CSNK1G2: variants seen among roughly 807,000 people sequenced by gnomAD.
CSNK1G2 encodes the protein casein kinase 1 gamma 2, also known as casein kinase I isoform gamma-2.
Under a neutral mutation model 48.0 loss-of-function variants are expected in CSNK1G2, and 11 were observed. The observed-to-expected ratio is 0.23, with a 90% CI of 0.14 to 0.38. CSNK1G2 has a LOEUF of 0.38. CSNK1G2 is among the 10% of genes least tolerant of loss of function. The pLI is 1.00. For synonymous variants in CSNK1G2, 337 were observed against 254.1 expected (o/e 1.33, Z -3.10); for missense variants, 446 against 595.5 (o/e 0.75, Z 2.61).
At chr19:1,953,596 C>T (rs900390992) in intron 1 of CSNK1G2, 13 of 452,468 alleles carry the variant, frequency 2.9e-5, no homozygotes, top group Admixed American at 1.2e-4. Flanking sequence ...CTTATGTGTC[C>T]GGTGCTGGGT....
rs377730336 is a variant in CSNK1G2 at position 1,957,546 on chromosome 19, T to C, written c.-265-11962T>C. 6.6e-6 allele frequency among the ~76,000 whole-genome samples: 1 copy of C among 152,182 alleles called. No homozygotes were observed. The highest frequency in any genetic ancestry group is 1.5e-5 in the Non-Finnish European group (1 of 68,002). The stretch of plus-strand genomic sequence containing the variant: ...CTCTCTCTCCACTTCATGTTTGTCC[T>C]CACTGAGGGAGCCGAGCAGATGCCT... On this transcript the variant is annotated intron_variant, in intron 1 of 11. Coordinates refer to ENST00000255641, the MANE Select transcript of CSNK1G2 (RefSeq NM_001319.7). The surrounding 1 kb of genome is among the most constrained non-coding windows in gnomAD (Gnocchi z 5.4).
At chr19:1,976,695 C>A (rs2015767474) in intron 2 of CSNK1G2, among the ~76,000 whole-genome samples, 1 of 152,036 alleles carries the variant, frequency 6.6e-6, no homozygotes, top group African/African-American at 2.4e-5. Flanking sequence ...CCCTGCCAGT[C>A]CAGCTGCAGC....
At chr19:1,967,716 G>T (rs1163824271) in intron 1 of CSNK1G2, among the ~76,000 whole-genome samples, 1 of 99,728 alleles carries the variant, frequency 1.0e-5, no homozygotes, top group Non-Finnish European at 1.9e-5. Context: ...CTTCAGTTCT[G>T]CAGGTGGGGC....
At chr19:1,946,261 T>C (rs1306352082) in intron 1 of CSNK1G2, among the ~76,000 whole-genome samples, 1 of 127,556 alleles carries the variant, frequency 7.8e-6, no homozygotes, top group Non-Finnish European at 1.8e-5. Context: ...CATCACTATT[T>C]ATTCGTTTAT....
chr19:1,975,386 G>A (rs2015718010), intron 2 of CSNK1G2: 1 of 985,500 alleles, frequency 1.0e-6, no homozygotes, highest in Non-Finnish European at 1.2e-6. Flanking sequence ...TGCCGGAGAA[G>A]GGGACGGCTG....
At chr19:1,974,426 GGCCCCA>G (rs998286924) in intron 2 of CSNK1G2, among the ~76,000 whole-genome samples, 6 of 152,316 alleles carry the variant, frequency 3.9e-5, no homozygotes, top group Admixed American at 6.5e-5. Flanking sequence ...CCTCTCTCTA[GGCCCCA>G]GCCCCAGCCC....
chr19:1,941,610 G>A (rs1303113625), intron 1 of CSNK1G2, among the ~76,000 whole-genome samples, 192 bp downstream of exon 1: 9 of 133,692 alleles, frequency 6.7e-5, no homozygotes, highest in African/African-American at 2.7e-4. Context: ...CCACACTCAG[G>A]GCCCCACCGC....
chr19:1,977,569 T>G (rs1445953566), intron 2 of CSNK1G2, among the ~76,000 whole-genome samples: 1 of 151,994 alleles, frequency 6.6e-6, no homozygotes, highest in Non-Finnish European at 1.5e-5. Flanking sequence ...CCCGGGCAAC[T>G]TGGAGAAACC....
chr19:1,951,921 C>A (rs1037579989), intron 1 of CSNK1G2, among the ~76,000 whole-genome samples: 2 of 152,284 alleles, frequency 1.3e-5, no homozygotes, highest in Admixed American at 6.5e-5. Context: ...ACCTCGTGAT[C>A]CACCCGCCTC....
intron 1 of CSNK1G2, among the ~76,000 whole-genome samples, chr19:1,944,364 C>T (rs973058038): frequency 2.0e-5 from 3 of 152,066 alleles, no homozygotes; most frequent in Admixed American, 6.5e-5. Context: ...CTGGAGTTCT[C>T]GTGGGGCCCG....
chr19:1,971,296 C>T (rs1185586062), intron 2 of CSNK1G2, among the ~76,000 whole-genome samples: 1 of 152,244 alleles, frequency 6.6e-6, no homozygotes, highest in Non-Finnish European at 1.5e-5. Flanking sequence ...CCAGATCCCA[C>T]CCCAGCCCTT....
chr19:1,956,827 A>G (rs898596291), intron 1 of CSNK1G2, among the ~76,000 whole-genome samples: 5 of 152,170 alleles, frequency 3.3e-5, no homozygotes, highest in African/African-American at 9.6e-5. Context: ...CCAGGAGGAC[A>G]CCCCAGAGAG....
At chr19:1,975,314 T>C in intron 2 of CSNK1G2, 1 of 985,488 alleles carries the variant, frequency 1.0e-6, no homozygotes, top group Non-Finnish European at 1.2e-6. Flanking sequence ...GGCGAGGGCT[T>C]GTCCTCCTCA....
Position 1,980,910 on chromosome 19 carries a change from T to C in CSNK1G2, c.*707T>C, listed in dbSNP as rs2015967109. The C allele has an allele frequency of 6.6e-6, 1 of 152,402 alleles. No homozygotes were observed. Among genetic ancestry groups the C allele is most frequent in the Admixed American group, 6.5e-5 (1 of 15,286 alleles). 9.4% of individuals were successfully genotyped at this position (152,402 alleles called of 1,614,324 possible). A position where few individuals can be genotyped will look rare whatever the true frequency, so the allele number is the denominator to read the frequency against. The stretch of plus-strand genomic sequence containing the variant: ...GTGGGCGCTGCCAGGCGGGTGCTTC[T>C]CGACGCACTTGCTCCCGGAGGCTGC... On this transcript the variant is annotated 3_prime_UTR_variant, in exon 12 of 12. Transcript: ENST00000255641.
intron 2 of CSNK1G2, 45 bp downstream of exon 2, chr19:1,970,004 AGGGCCGCCCCGAGTCACCG>A (rs1568198399): frequency 7.8e-7 from 1 of 1,287,288 alleles, no homozygotes; most frequent in Non-Finnish European, 9.8e-7. Flanking sequence ...GGCTGCTGGC[AGGGCCGCCCCGAGTCACCG>A]GAGCCTCTGG....
intron 1 of CSNK1G2, among the ~76,000 whole-genome samples, chr19:1,966,777 C>T (rs1227804962): frequency 2.0e-5 from 3 of 152,212 alleles, no homozygotes; most frequent in African/African-American, 7.2e-5. Flanking sequence ...GAGTCAGCCG[C>T]CGTCCACATT....
intron 1 of CSNK1G2, among the ~76,000 whole-genome samples, chr19:1,965,394 A>G (rs1252561551): frequency 1.3e-5 from 2 of 151,906 alleles, no homozygotes; most frequent in Admixed American, 1.3e-4. Flanking sequence ...AAAAAAAAAA[A>G]AAAGATCATT....
At chr19:1,959,869 G>C (rs12984320) in intron 1 of CSNK1G2, among the ~76,000 whole-genome samples, 32,390 of 87,364 alleles carry the variant, frequency 0.37, 7,713 homozygotes, top group African/African-American at 0.62. Context: ...TAGTGCCACC[G>C]TGGGTCCCCC....
chr19:1,971,838 C>T (rs904361294), intron 2 of CSNK1G2, among the ~76,000 whole-genome samples: 2 of 147,072 alleles, frequency 1.4e-5, no homozygotes, highest in Admixed American at 7.0e-5. Flanking sequence ...GGCGCAATCT[C>T]GGCTCACTGC....
Sources: gnomAD v4.1 joint callset for allele counts (sites outside exome capture counted in the v4.1 genomes callset) on GRCh38, gnomAD v4.1.1 for gene constraint, Gnocchi (gnomAD v3.1) non-coding constraint, MANE v1.5 for transcripts, NCBI Gene and HGNC (gene_info 2026-07-23, HGNC 2026-07-21) for gene names.